Variants in NALF1 observed in about 807,000 individuals in gnomAD.
The protein encoded by NALF1 is family with sequence similarity 155 member A.
Under a neutral mutation model 48.4 loss-of-function variants are expected in NALF1, and 3 were observed. The observed-to-expected ratio is 0.06, with a 90% CI of 0.03 to 0.16. NALF1 has a LOEUF of 0.16. Among genes scored for constraint, NALF1 ranks in the 10% least tolerant of loss-of-function variants. The pLI, the probability that NALF1 is intolerant of heterozygous loss-of-function variation, is 1.00. For missense variants in NALF1, 526 were observed against 571.5 expected (o/e 0.92, Z 0.81); for synonymous variants, 262 against 245.7 (o/e 1.07, Z -0.62).
intron 1 of NALF1, among the ~76,000 whole-genome samples, chr13:107,651,703 G>T (rs901510656): frequency 6.6e-6 from 1 of 152,194 alleles, no homozygotes; most frequent in Admixed American, 6.5e-5. Flanking sequence ...AGGACTTCCC[G>T]CTGTCTCTGA....
At chr13:107,408,990 T>C (rs56732202) in intron 1 of NALF1, among the ~76,000 whole-genome samples, 73 of 152,212 alleles carry the variant, frequency 4.8e-4, no homozygotes, top group African/African-American at 1.7e-3. Context: ...CAAAATAAAT[T>C]TGAACAGTGT....
intron 1 of NALF1, among the ~76,000 whole-genome samples, chr13:107,512,984 A>G (rs1178952477): frequency 1.3e-5 from 2 of 152,214 alleles, no homozygotes; most frequent in Non-Finnish European, 1.5e-5. Flanking sequence ...GTTGATTTTA[A>G]AAATTCTTTT....
intron 1 of NALF1, among the ~76,000 whole-genome samples, chr13:107,469,707 G>A (rs555256728): frequency 7.5e-4 from 108 of 143,554 alleles, no homozygotes; most frequent in African/African-American, 2.7e-3. Flanking sequence ...TGTAGAACCC[G>A]TAAATGCGAT....
rs752394508 is a variant in NALF1, at chr13:107,210,884, C to T, written c.916-129G>A. 6.4e-4 allele frequency: 392 copies of T among 615,966 alleles called. 1 individual carries two copies. The highest frequency in any genetic ancestry group is 9.5e-4 in the Non-Finnish European group (335 of 351,570). 38.2% of individuals were successfully genotyped at this position (615,966 alleles called of 1,614,324 possible). A position where few individuals can be genotyped will look rare whatever the true frequency, so the allele number is the denominator to read the frequency against. On this transcript the variant is annotated intron_variant, in intron 1 of 2. Coordinates refer to ENST00000375915, the MANE Select transcript of NALF1 (RefSeq NM_001080396.3). ...TAAGAGAGCCCTCATTGTGAGAAAG[C>T]GTATTTACACAACGACAGCTGCAAG...
intron 1 of NALF1, among the ~76,000 whole-genome samples, chr13:107,801,149 G>A (rs556886978): frequency 2.0e-5 from 3 of 152,102 alleles, no homozygotes; most frequent in Non-Finnish European, 2.9e-5. Context: ...ATCACATAGC[G>A]TAGCATTAAG....
At chr13:107,308,246 G>C (rs1018731457) in intron 1 of NALF1, among the ~76,000 whole-genome samples, 2 of 131,912 alleles carry the variant, frequency 1.5e-5, no homozygotes. Context: ...CTGTCGCCCA[G>C]GCTGGAGTCC....
chr13:107,183,140 C>T (rs144232438), intron 2 of NALF1, among the ~76,000 whole-genome samples: 2,426 of 152,220 alleles, frequency 0.016, 41 homozygotes, highest in Middle Eastern at 0.041. Context: ...CATCCATATC[C>T]GCCATACAGC....
intron 1 of NALF1, among the ~76,000 whole-genome samples, chr13:107,779,357 C>CT (rs1877822578): frequency 6.6e-6 from 1 of 152,210 alleles, no homozygotes; most frequent in Non-Finnish European, 1.5e-5. Context: ...ATTATCACAT[C>CT]TTTAAGTCAT....
At chr13:107,638,029 T>G (rs1314178937) in intron 1 of NALF1, among the ~76,000 whole-genome samples, 10 of 151,754 alleles carry the variant, frequency 6.6e-5, no homozygotes, top group African/African-American at 2.4e-4. Context: ...TACAGTGCCT[T>G]AATGACCGTA....
chr13:107,709,812 T>C (rs1439696355), intron 1 of NALF1, among the ~76,000 whole-genome samples: 1 of 152,224 alleles, frequency 6.6e-6, no homozygotes, highest in Non-Finnish European at 1.5e-5. Context: ...AGTGCTAAGA[T>C]GACGATCTCA....
intron 1 of NALF1, among the ~76,000 whole-genome samples, chr13:107,795,059 CA>C (rs1347818542): frequency 1.3e-5 from 2 of 151,822 alleles, no homozygotes; most frequent in East Asian, 3.9e-4. Flanking sequence ...TATTTGCATA[CA>C]AAAGTAATTG....
At chr13:107,836,972 A>G (rs541194034) in intron 1 of NALF1, among the ~76,000 whole-genome samples, 17 of 152,196 alleles carry the variant, frequency 1.1e-4, no homozygotes, top group Non-Finnish European at 1.5e-4. Flanking sequence ...TGGAAAATAT[A>G]TCTGGGCAAG....
chr13:107,181,581 T>C (rs1488824398), intron 2 of NALF1, among the ~76,000 whole-genome samples: 1 of 150,604 alleles, frequency 6.6e-6, no homozygotes, highest in Non-Finnish European at 1.5e-5. Context: ...AGTTTTTTTT[T>C]CAATTGTTTT....
chr13:107,764,633 C>T (rs1050616395), intron 1 of NALF1, among the ~76,000 whole-genome samples: 9 of 152,158 alleles, frequency 5.9e-5, no homozygotes, highest in African/African-American at 1.7e-4. Context: ...CCTGGGACTA[C>T]ATCAAGATGA....
At chr13:107,368,589 C>T (rs558645570) in intron 1 of NALF1, among the ~76,000 whole-genome samples, 31 of 152,346 alleles carry the variant, frequency 2.0e-4, no homozygotes, top group African/African-American at 6.3e-4. Flanking sequence ...TGGCATGCCT[C>T]GGCTTGCAGC....
At chr13:107,727,377 A>C (rs1438146585) in intron 1 of NALF1, among the ~76,000 whole-genome samples, 1 of 152,128 alleles carries the variant, frequency 6.6e-6, no homozygotes, top group Non-Finnish European at 1.5e-5. Flanking sequence ...GTGTGGTGGC[A>C]CTTCTCATGA....
chr13:107,282,205 T>C (rs2138873795), intron 1 of NALF1, among the ~76,000 whole-genome samples: 2 of 152,332 alleles, frequency 1.3e-5, no homozygotes, highest in South Asian at 4.1e-4. Context: ...CAAGTTGTCA[T>C]ATGTACACCA....
chr13:107,180,002 T>A (rs746195366), intron 2 of NALF1, among the ~76,000 whole-genome samples: 1 of 147,870 alleles, frequency 6.8e-6, no homozygotes, highest in Non-Finnish European at 1.5e-5. Flanking sequence ...AAAGACTCTA[T>A]TTTCAAATAA....
At chr13:107,471,178 C>T (rs564059476) in intron 1 of NALF1, among the ~76,000 whole-genome samples, 2 of 152,314 alleles carry the variant, frequency 1.3e-5, no homozygotes, top group South Asian at 2.1e-4. Flanking sequence ...GTGCGCATAA[C>T]GCTATTTATT....
Sources: gnomAD v4.1 joint callset for allele counts (sites outside exome capture counted in the v4.1 genomes callset) on GRCh38, gnomAD v4.1.1 for gene constraint, MANE v1.5 for transcripts, NCBI Gene and HGNC (gene_info 2026-07-23, HGNC 2026-07-21) for gene names.